Variants in TMCC3 observed in about 807,000 individuals in gnomAD.
The protein encoded by TMCC3 is transmembrane and coiled-coil domain family 3.
TMCC3 carries 28 observed loss-of-function variants against 40.2 expected under a neutral mutation model. That is an observed-to-expected ratio of 0.70 (90% CI 0.52 to 0.95). The LOEUF (loss-of-function observed/expected upper bound fraction) is 0.95, where lower values mean the gene tolerates loss of function less well. Ranked by LOEUF, TMCC3 falls within the 40% of genes least tolerant of loss-of-function variation. The pLI is 0.00. For missense variants in TMCC3, 554 were observed against 615.2 expected, an observed-to-expected ratio of 0.90 and a Z score of 1.05; for synonymous variants, 255 against 248.5, an observed-to-expected ratio of 1.03 and a Z score of -0.25.
In TMCC3 at chr12:94,650,501, G is replaced by A; in HGVS notation, c.-71C>T. The A allele has an allele frequency of 1.5e-5, 18 of 1,166,306 alleles. No homozygotes were observed. The highest frequency in any genetic ancestry group is 3.6e-5 in the South Asian group (1 of 28,120). 72.2% of individuals were successfully genotyped at this position (1,166,306 alleles called of 1,614,324 possible). ...GCCGCGAGCCACCGGCTGTGCTCGGGATCACCCTGGGAGCCGCGGGCGAGG... is the reference window on the plus strand; with the variant it reads ...GCCGCGAGCCACCGGCTGTGCTCGGAATCACCCTGGGAGCCGCGGGCGAGG... On this transcript the variant is annotated 5_prime_UTR_variant, in exon 1 of 4. Transcript: ENST00000261226.
intron 3 of TMCC3, among the ~76,000 whole-genome samples, chr12:94,577,102 T>C (rs560621160): frequency 2.1e-4 from 32 of 152,306 alleles, no homozygotes; most frequent in African/African-American, 7.7e-4. Context: ...AAGAAACCTG[T>C]GAAGTGTTTT....
intron 1 of TMCC3, among the ~76,000 whole-genome samples, chr12:94,611,635 G>A (rs1023169419): frequency 9.9e-5 from 15 of 152,248 alleles, no homozygotes; most frequent in Middle Eastern, 3.4e-3. Context: ...TCAAGTCCCT[G>A]ATATAAAATG....
chr12:94,598,573 G>A (rs753178983), intron 1 of TMCC3: 36 of 985,056 alleles, frequency 3.7e-5, no homozygotes, highest in Non-Finnish European at 4.2e-5. Context: ...ATAAAAAAAT[G>A]TGGGTTACTT....
At chr12:94,572,076 T>C (rs947051734) in intron 3 of TMCC3, among the ~76,000 whole-genome samples, 3 of 152,168 alleles carry the variant, frequency 2.0e-5, no homozygotes, top group Non-Finnish European at 4.4e-5. Context: ...CTCAGCTCAC[T>C]GCAACCTCCG....
intron 3 of TMCC3, among the ~76,000 whole-genome samples, chr12:94,577,200 A>AT (rs1384189273): frequency 6.6e-6 from 1 of 152,096 alleles, no homozygotes; most frequent in Admixed American, 6.5e-5. Context: ...TAATTTATTC[A>AT]TTTTTTGAGA....
intron 1 of TMCC3, among the ~76,000 whole-genome samples, chr12:94,601,136 T>C (rs988273536): frequency 1.3e-5 from 2 of 152,332 alleles, no homozygotes; most frequent in South Asian, 2.1e-4. Context: ...CCTAATTTTC[T>C]GGACAACTGG....
At chr12:94,576,062 G>C (rs2068562860) in intron 3 of TMCC3, among the ~76,000 whole-genome samples, 1 of 152,178 alleles carries the variant, frequency 6.6e-6, no homozygotes, top group African/African-American at 2.4e-5. Flanking sequence ...ATAGGCATGA[G>C]CCACTGCACT....
intron 1 of TMCC3, chr12:94,598,523 A>C (rs1379114723): frequency 1.1e-6 from 1 of 949,632 alleles, no homozygotes; most frequent in East Asian, 1.2e-4. Context: ...ATTCATAAGT[A>C]GGAGAAGAAA....
chr12:94,590,629 G>A (rs2068668128), intron 1 of TMCC3, among the ~76,000 whole-genome samples: 1 of 152,184 alleles, frequency 6.6e-6, no homozygotes, highest in Admixed American at 6.5e-5. Context: ...GCCCTTCTCT[G>A]TGCTGGCTGA....
chr12:94,639,009 T>C (rs1406513818), intron 1 of TMCC3, among the ~76,000 whole-genome samples: 1 of 151,446 alleles, frequency 6.6e-6, no homozygotes, highest in Non-Finnish European at 1.5e-5. Flanking sequence ...TAGAAAAACA[T>C]GTAACTCAAA....
At chr12:94,641,539 C>T (rs1348553479) in intron 1 of TMCC3, among the ~76,000 whole-genome samples, 1 of 152,146 alleles carries the variant, frequency 6.6e-6, no homozygotes, top group African/African-American at 2.4e-5. Context: ...TCTCCATGGG[C>T]CATCGGACTC....
At chr12:94,591,043 T>C (rs796945383) in intron 1 of TMCC3, 9 of 538,954 alleles carry the variant, frequency 1.7e-5, no homozygotes, top group African/African-American at 1.5e-4. Context: ...CGAAGAGATA[T>C]ATAAATCAAG....
At position 94,597,164 on chromosome 12, in the gene TMCC3, T is replaced by TATATAA. The variant is rs1488070684; in HGVS notation, c.79-14627_79-14626insTTATAT. On this transcript the variant is annotated intron_variant, in intron 1 of 3. Coordinates refer to ENST00000261226, the MANE Select transcript of TMCC3 (RefSeq NM_020698.4). ...ATATATATATATATATATATGTATA[T>TATATAA]AAATTAGCCAGGCCTGCTGGCGTGC... Among the ~76,000 whole-genome samples, 7 of 90,462 alleles carry TATATAA rather than the reference T, an allele frequency of 7.7e-5. No individual in the cohort carries two copies. In the East Asian group the frequency reaches 1.8e-3, roughly 23 times the overall value. The allele number at this position is 90,462 out of a possible 152,430, so 59.3% of individuals were successfully genotyped here. A position where few individuals can be genotyped will look rare whatever the true frequency, so the allele number is the denominator to read the frequency against.
At position 94,582,272 on chromosome 12, in the gene TMCC3, A is replaced by G; in HGVS notation, c.345T>C (p.Phe115=). 6.2e-7 allele frequency: 1 copy of G among 1,614,018 alleles called. No individual in the cohort carries two copies. The highest frequency in any genetic ancestry group is 8.5e-7 in the Non-Finnish European group (1 of 1,180,016). The part of the protein sequence containing the change: ...KQQAGRIKQV[F]EKKNQKSAHS... ...GAGCTGATTTCTGATTCTTCTTCTC[A>G]AAGACTTGCTTGATACGTCCCGCCT... The change falls in exon 2 of 4, where the codon TTT becomes TTC. Residue 115 remains phenylalanine, a synonymous_variant. Coordinates refer to ENST00000261226, the MANE Select transcript of TMCC3 (RefSeq NM_020698.4).
At chr12:94,639,718 C>A (rs1594299942) in intron 1 of TMCC3, among the ~76,000 whole-genome samples, 2 of 96,550 alleles carry the variant, frequency 2.1e-5, no homozygotes, top group Admixed American at 1.1e-4. Flanking sequence ...GAAACCAGGC[C>A]AGAAAAAAAT....
chr12:94,627,793 C>CT (rs1398091681), intron 1 of TMCC3, among the ~76,000 whole-genome samples: 2 of 152,238 alleles, frequency 1.3e-5, no homozygotes, highest in Non-Finnish European at 2.9e-5. Flanking sequence ...GCCCTCTTGT[C>CT]TATTTCTCAG....
intron 1 of TMCC3, among the ~76,000 whole-genome samples, chr12:94,613,684 G>A (rs891496810): frequency 6.6e-6 from 1 of 152,046 alleles, no homozygotes; most frequent in African/African-American, 2.4e-5. Context: ...AATCAGGGAA[G>A]GTCACAGGGT....
At chr12:94,625,575 C>T (rs1244809992) in intron 1 of TMCC3, among the ~76,000 whole-genome samples, 8 of 130,054 alleles carry the variant, frequency 6.2e-5, no homozygotes, top group Admixed American at 4.4e-4. Flanking sequence ...GTCTGGGCAA[C>T]AGAGCAAGAC....
intron 1 of TMCC3, among the ~76,000 whole-genome samples, chr12:94,638,161 C>A (rs1334045313): frequency 6.6e-6 from 1 of 152,138 alleles, no homozygotes; most frequent in Admixed American, 6.5e-5. Context: ...AATATACACT[C>A]AATGTAAAAA....
Sources: gnomAD v4.1 joint callset for allele counts (sites outside exome capture counted in the v4.1 genomes callset) on GRCh38, gnomAD v4.1.1 for gene constraint, MANE v1.5 for transcripts, NCBI Gene and HGNC (gene_info 2026-07-23, HGNC 2026-07-21) for gene names.